The following FGF18 variants were observed in gnomAD, a reference collection of about 807,000 sequenced individuals.
The protein encoded by FGF18 is fibroblast growth factor 18.
A neutral mutation model predicts 23.0 loss-of-function variants in FGF18; 5 were observed. The observed-to-expected ratio is 0.22, with a 90% CI of 0.11 to 0.46. The LOEUF is 0.46. Ranked by LOEUF, FGF18 falls within the 20% of genes least tolerant of loss-of-function variation. The pLI, the probability that FGF18 is intolerant of heterozygous loss-of-function variation, is 0.99. For synonymous variants in FGF18, 117 were observed against 118.9 expected (o/e 0.98, Z 0.10); for missense variants, 180 against 291.6 (o/e 0.62, Z 2.79).
At chr5:171,452,150 C>T (rs1157072752) in intron 4 of FGF18, among the ~76,000 whole-genome samples, 11 of 152,222 alleles carry the variant, frequency 7.2e-5, no homozygotes, top group African/African-American at 9.7e-5. Flanking sequence ...GGAGTCTAAG[C>T]GCCCTGGCCT....
intron 2 of FGF18, 54 bp downstream of exon 2, chr5:171,420,497 C>T (rs1581267632): frequency 1.9e-6 from 3 of 1,547,588 alleles, no homozygotes; most frequent in East Asian, 2.2e-5. Flanking sequence ...CGGTACACGC[C>T]GACCCCCCTT....
rs970315099 is a variant in FGF18 at position 171,434,585 on chromosome 5, G to A, written c.70-1508G>A. 8.5e-5 allele frequency among the ~76,000 whole-genome samples: 13 copies of A among 152,172 alleles called. No homozygotes were observed. Among genetic ancestry groups the A allele is most frequent in the African/African-American group, 3.1e-4 (13 of 41,446 alleles). On this transcript the variant is annotated intron_variant, in intron 2 of 4. Coordinates refer to ENST00000274625, the MANE Select transcript of FGF18 (RefSeq NM_003862.3). This position sits in a 1 kb window ranked among gnomAD's most constrained non-coding sequence, Gnocchi z 4.6. ...ACACAGGGAACAAACCCAGAATGCT[G>A]TCTGGGCTTCAGGAATGGCTCAGCC...
intron 2 of FGF18, among the ~76,000 whole-genome samples, chr5:171,421,358 A>G (rs961450909): frequency 2.6e-5 from 4 of 152,166 alleles, no homozygotes; most frequent in African/African-American, 9.7e-5. Flanking sequence ...CAAAGGGAAT[A>G]GGAAGCGTCA....
In FGF18 at chr5:171,436,387, C is replaced by T. The variant is rs1772246696; in HGVS notation, c.250+114C>T. ...CTGCTCCTGGCTGTGTGATCTTGGA[C>T]CTGGCACTGACCCTTTCTGGGTCTG... On this transcript the variant is annotated intron_variant, in intron 3 of 4. Transcript: ENST00000274625. This position sits in a 1 kb window ranked among gnomAD's most constrained non-coding sequence, Gnocchi z 4.4. 1 of 835,010 alleles carries T rather than the reference C, an allele frequency of 1.2e-6. No individual in the cohort carries two copies. Among genetic ancestry groups the T allele is most frequent in the Non-Finnish European group, 1.7e-6 (1 of 582,700 alleles). 51.7% of individuals were successfully genotyped at this position (835,010 alleles called of 1,614,324 possible). A position where few individuals can be genotyped will look rare whatever the true frequency, so the allele number is the denominator to read the frequency against.
intron 2 of FGF18, among the ~76,000 whole-genome samples, chr5:171,423,659 C>G (rs1190143151): frequency 6.6e-6 from 1 of 152,198 alleles, no homozygotes; most frequent in Non-Finnish European, 1.5e-5. Flanking sequence ...CACCCCCACA[C>G]CCAGCCTCCT....
intron 2 of FGF18, among the ~76,000 whole-genome samples, chr5:171,423,123 T>C (rs914671345): frequency 6.6e-6 from 1 of 152,042 alleles, no homozygotes. Context: ...TCAGAATGGG[T>C]CCCTGCCCCC....
At position 171,421,177 on chromosome 5, in the gene FGF18, G is replaced by A. The variant is rs188028065; in HGVS notation, c.69+734G>A. On this transcript the variant is annotated intron_variant, in intron 2 of 4. Coordinates refer to ENST00000274625, the MANE Select transcript of FGF18 (RefSeq NM_003862.3). ...TTACTTCAGCAGCTTTCAGACTCGG[G>A]AAGGTCTTGGCACGCAGACAGTTGG... Among the ~76,000 whole-genome samples, 946 of 152,294 alleles carry A rather than the reference G, an allele frequency of 6.2e-3. 7 individuals are homozygous for A. Among genetic ancestry groups the A allele is most frequent in the Non-Finnish European group, 0.01 (702 of 68,032 alleles).
chr5:171,432,536 G>A (rs1295645105), intron 2 of FGF18, among the ~76,000 whole-genome samples: 2 of 152,116 alleles, frequency 1.3e-5, no homozygotes, highest in African/African-American at 4.8e-5. Flanking sequence ...AGCCTCCTGA[G>A]TAGCTGGGAT....
At chr5:171,443,328 A>G (rs572774860) in intron 3 of FGF18, among the ~76,000 whole-genome samples, 6 of 152,034 alleles carry the variant, frequency 3.9e-5, no homozygotes, top group African/African-American at 1.2e-4. Flanking sequence ...ACAGGGTTTC[A>G]CCACGTCGGT....
At chr5:171,432,968 C>T (rs1227714916) in intron 2 of FGF18, among the ~76,000 whole-genome samples, 2 of 152,210 alleles carry the variant, frequency 1.3e-5, no homozygotes, top group African/African-American at 2.4e-5. Context: ...TGTTCGGGGG[C>T]CCTCACCCAG....
chr5:171,422,689 A>G (rs1245877576), intron 2 of FGF18, among the ~76,000 whole-genome samples: 3 of 152,188 alleles, frequency 2.0e-5, no homozygotes, highest in African/African-American at 7.2e-5. Flanking sequence ...GTTAACTGCC[A>G]GGAATCTGGG....
chr5:171,453,171 GTC>G (rs528569358), intron 4 of FGF18, among the ~76,000 whole-genome samples: 8 of 152,170 alleles, frequency 5.3e-5, no homozygotes, highest in Non-Finnish European at 5.9e-5. Flanking sequence ...TGTTTTTGGA[GTC>G]TCTGCTGTGG....
chr5:171,443,025 C>T (rs917042557), intron 3 of FGF18, among the ~76,000 whole-genome samples: 1 of 152,262 alleles, frequency 6.6e-6, no homozygotes, highest in Non-Finnish European at 1.5e-5. Context: ...AGCAATTTAA[C>T]TGCTCTATTA....
intron 2 of FGF18, among the ~76,000 whole-genome samples, chr5:171,430,808 A>G (rs1772170973): frequency 7.0e-6 from 1 of 143,456 alleles, no homozygotes; most frequent in Non-Finnish European, 1.5e-5. Context: ...AAAAAAAAAA[A>G]AAAAAAAAGA....
chr5:171,421,462 C>T (rs1043645742), intron 2 of FGF18, among the ~76,000 whole-genome samples: 3 of 152,220 alleles, frequency 2.0e-5, no homozygotes, highest in Non-Finnish European at 4.4e-5. Flanking sequence ...CCTTCCCCCT[C>T]GGTGGAAGGC....
chr5:171,436,122 C>T lies in FGF18; in HGVS notation c.99C>T (p.Phe33=), dbSNP rs1429935280. 5 of 1,574,098 alleles carry T rather than the reference C, an allele frequency of 3.2e-6. No individual in the cohort carries two copies. Among genetic ancestry groups the T allele is most frequent in the Admixed American group, 1.8e-5 (1 of 56,164 alleles). ...TGGTTGCCGAGGAGAACGTGGACTTCCGCATCCACGTGGAGAACCAGACGC... is the reference window on the plus strand; with the variant it reads ...TGGTTGCCGAGGAGAACGTGGACTTTCGCATCCACGTGGAGAACCAGACGC... ...QVLVAEENVD[F]RIHVENQTRA... The change falls in exon 3 of 5, where the codon TTC becomes TTT. Residue 33 remains phenylalanine (F), a synonymous_variant. Transcript: ENST00000274625. This position sits in a 1 kb window ranked among gnomAD's most constrained non-coding sequence, Gnocchi z 4.4.
rs374810619 is a variant in FGF18 at position 171,455,515 on chromosome 5, C to T, written c.358-1024C>T. ...ACGAACCATCATTGGCCCACATAAC[C>T]GTGAGGTAATGTGAGCTTCAGACGT... On this transcript the variant is annotated intron_variant, in intron 4 of 4. Coordinates refer to ENST00000274625, the MANE Select transcript of FGF18 (RefSeq NM_003862.3). 5.3e-5 allele frequency among the ~76,000 whole-genome samples: 8 copies of T among 152,268 alleles called. No homozygotes were observed. In the East Asian group the frequency reaches 9.6e-4, roughly 18 times the overall value.
intron 3 of FGF18, among the ~76,000 whole-genome samples, chr5:171,447,123 C>A (rs1255465734): frequency 6.6e-6 from 1 of 152,180 alleles, no homozygotes; most frequent in Non-Finnish European, 1.5e-5. Flanking sequence ...GTATAATCCT[C>A]CCAATAACTA....
intron 3 of FGF18, among the ~76,000 whole-genome samples, chr5:171,445,880 C>G (rs1056604135): frequency 6.6e-6 from 1 of 152,130 alleles, no homozygotes; most frequent in African/African-American, 2.4e-5. Flanking sequence ...TGTGCCTGAG[C>G]CCGGATGAGG....
Sources: gnomAD v4.1 joint callset for allele counts (sites outside exome capture counted in the v4.1 genomes callset) on GRCh38, gnomAD v4.1.1 for gene constraint, Gnocchi (gnomAD v3.1) non-coding constraint, MANE v1.5 for transcripts, NCBI Gene and HGNC (gene_info 2026-07-23, HGNC 2026-07-21) for gene names.